AOPEP: variants seen among roughly 807,000 people sequenced by gnomAD.
AOPEP encodes aminopeptidase O (putative), also known as aminopeptidase O.
Under a neutral mutation model 98.1 loss-of-function variants are expected in AOPEP, and 77 were observed. That is an observed-to-expected ratio of 0.78 (90% confidence interval 0.65 to 0.95). The LOEUF (loss-of-function observed/expected upper bound fraction) is 0.95. Among genes scored for constraint, AOPEP ranks in the 40% least tolerant of loss-of-function variants. The probability of loss-of-function intolerance (pLI) is 0.00; values close to 1 mark genes in which losing one functional copy is unlikely to be tolerated. For missense variants in AOPEP, 1,024 were observed against 1,024.7 expected (o/e 1.00, Z 0.01); for synonymous variants, 346 against 365.3 (o/e 0.95, Z 0.60).
the AOPEP span, chr9:95,123,526 G>GA: frequency 4.0e-6 from 2 of 504,962 alleles, no homozygotes; most frequent in South Asian, 1.4e-5. Context: ...CCAATATGAT[G>GA]AAAAAAAGAA....
intron 5 of AOPEP, among the ~76,000 whole-genome samples, chr9:94,887,514 A>G (rs2048374403): frequency 6.6e-6 from 1 of 152,186 alleles, no homozygotes; most frequent in African/African-American, 2.4e-5. Context: ...TGATGCCTGT[A>G]AGATGGGGCT....
At chr9:95,035,937 G>C (rs2064779889) in intron 13 of AOPEP, among the ~76,000 whole-genome samples, 1 of 152,024 alleles carries the variant, frequency 6.6e-6, no homozygotes, top group Admixed American at 6.6e-5. Flanking sequence ...CCTACCACAT[G>C]CTTTCAGATG....
Position 94,955,288 on chromosome 9 carries a change from A to G in AOPEP, c.1764+9A>G. 1.3e-6 allele frequency: 2 copies of G among 1,577,152 alleles called. No homozygotes were observed. Among genetic ancestry groups the G allele is most frequent in the Non-Finnish European group, 8.7e-7 (1 of 1,151,388 alleles). Reference sequence around the variant, plus strand: ...AGGTGCATTATTTAAAGGTAAGCACATGTCAGTTGCAGAAGCCAGTGATTG... The same window carrying G: ...AGGTGCATTATTTAAAGGTAAGCACGTGTCAGTTGCAGAAGCCAGTGATTG... On this transcript the variant is annotated intron_variant, in intron 8 of 16. Coordinates refer to ENST00000375315, the MANE Select transcript of AOPEP (RefSeq NM_001193329.3).
intron 16 of AOPEP, among the ~76,000 whole-genome samples, chr9:95,084,588 G>A (rs1004132230): frequency 2.0e-5 from 3 of 152,206 alleles, no homozygotes; most frequent in African/African-American, 7.2e-5. Flanking sequence ...AGGCCAGCTA[G>A]TCCTTTCATC....
chr9:95,034,888 G>T (rs910621965), intron 13 of AOPEP, among the ~76,000 whole-genome samples: 2 of 152,002 alleles, frequency 1.3e-5, no homozygotes, highest in Non-Finnish European at 2.9e-5. Context: ...TTCAGGTTTT[G>T]TTATGAACTT....
At chr9:95,057,688 C>T (rs1395019053) in intron 13 of AOPEP, among the ~76,000 whole-genome samples, 3 of 152,086 alleles carry the variant, frequency 2.0e-5, no homozygotes, top group Admixed American at 6.5e-5. Context: ...TGTCTGTGTC[C>T]CAAAATAACG....
At chr9:94,739,624 A>C (rs959959396) in intron 1 of AOPEP, among the ~76,000 whole-genome samples, 1 of 151,192 alleles carries the variant, frequency 6.6e-6, no homozygotes, top group Admixed American at 6.6e-5. Context: ...AGCCTGGGGG[A>C]CAAGAGCGAA....
intron 11 of AOPEP, among the ~76,000 whole-genome samples, chr9:94,992,964 G>T (rs2132400045): frequency 6.6e-6 from 1 of 152,230 alleles, no homozygotes; most frequent in African/African-American, 2.4e-5. Context: ...ACACTATCTG[G>T]GAACCCTGTT....
At chr9:95,083,802 G>A (rs771804679) in intron 16 of AOPEP, among the ~76,000 whole-genome samples, 2 of 152,136 alleles carry the variant, frequency 1.3e-5, no homozygotes, top group Non-Finnish European at 2.9e-5. Flanking sequence ...TGTCTTGAGG[G>A]CAGGTCCTAC....
At chr9:95,044,020 C>G (rs931101436) in intron 13 of AOPEP, among the ~76,000 whole-genome samples, 3 of 152,134 alleles carry the variant, frequency 2.0e-5, no homozygotes, top group Non-Finnish European at 4.4e-5. Context: ...AACATGTGTT[C>G]CTGTCTACAA....
intron 2 of AOPEP, among the ~76,000 whole-genome samples, chr9:94,764,070 A>G (rs146399659): frequency 6.6e-6 from 1 of 152,226 alleles, no homozygotes; most frequent in Non-Finnish European, 1.5e-5. Context: ...GAGAAATCTG[A>G]CAATACTACC....
intron 13 of AOPEP, among the ~76,000 whole-genome samples, chr9:95,038,870 T>G (rs938126153): frequency 6.6e-6 from 1 of 152,152 alleles, no homozygotes; most frequent in African/African-American, 2.4e-5. Flanking sequence ...TAGGAGCAGT[T>G]CTGGGGTGTG....
the AOPEP span, chr9:95,100,700 G>A: frequency 1.3e-5 from 3 of 227,982 alleles, no homozygotes; most frequent in African/African-American, 6.7e-5. Flanking sequence ...TCATGATCTC[G>A]GCTCACTACA....
At chr9:94,897,841 CTT>C (rs11396643) in intron 5 of AOPEP, among the ~76,000 whole-genome samples, 12 of 139,574 alleles carry the variant, frequency 8.6e-5, no homozygotes, top group Admixed American at 2.9e-4. Context: ...AAAAGTATGC[CTT>C]TTTTTTTTTT....
rs758782137 is a variant in AOPEP at position 94,781,163 on chromosome 9, C to T, written c.964+7995C>T. ...TAACTTGCTTGGCTCTTTTATTATT[C>T]TCCTTTATTATTAAACTTCCTCAGC... is the stretch of plus-strand genomic sequence containing the variant. On this transcript the variant is annotated intron_variant, in intron 3 of 16. Transcript: ENST00000375315. 2.0e-5 allele frequency among the ~76,000 whole-genome samples: 3 copies of T among 151,060 alleles called. No individual in the cohort carries two copies. In the South Asian group the frequency reaches 6.3e-4, roughly 32 times the overall value.
the AOPEP span, chr9:95,142,428 CTTTTTA>C: frequency 3.3e-5 from 5 of 152,534 alleles, no homozygotes; most frequent in African/African-American, 1.2e-4. Context: ...CTGTGCCTGT[CTTTTTA>C]TTTTTATTTT....
intron 2 of AOPEP, among the ~76,000 whole-genome samples, chr9:94,764,523 C>T (rs1839122946): frequency 6.6e-6 from 1 of 152,144 alleles, no homozygotes; most frequent in South Asian, 2.1e-4. Flanking sequence ...TGGCAGGCAC[C>T]TGTAGTCCCA....
At chr9:94,811,402 G>A (rs1850548610) in intron 5 of AOPEP, among the ~76,000 whole-genome samples, 1 of 152,084 alleles carries the variant, frequency 6.6e-6, no homozygotes, top group Non-Finnish European at 1.5e-5. Context: ...TACTGAGAGG[G>A]GCGCAGCTAC....
intron 3 of AOPEP, among the ~76,000 whole-genome samples, chr9:94,783,862 G>C (rs914013213): frequency 6.6e-6 from 1 of 152,138 alleles, no homozygotes; most frequent in African/African-American, 2.4e-5. Flanking sequence ...AGTTTGGATA[G>C]GAATTGCTGA....
Sources: gnomAD v4.1 joint callset for allele counts (sites outside exome capture counted in the v4.1 genomes callset) on GRCh38, gnomAD v4.1.1 for gene constraint, MANE v1.5 for transcripts, NCBI Gene and HGNC (gene_info 2026-07-23, HGNC 2026-07-21) for gene names.